PLEKHA7: variants seen among roughly 807,000 people sequenced by gnomAD.
PLEKHA7 encodes pleckstrin homology domain containing A7.
PLEKHA7 carries 104 observed loss-of-function variants against 170.0 expected under a neutral mutation model. The observed-to-expected ratio is 0.61, with a 90% CI of 0.52 to 0.72. PLEKHA7 has a LOEUF of 0.72. Among genes scored for constraint, PLEKHA7 ranks in the 30% least tolerant of loss-of-function variants. PLEKHA7 has a pLI of 0.00. For synonymous variants in PLEKHA7, 648 were observed against 660.8 expected (o/e 0.98, Z 0.30); for missense variants, 1,615 against 1,671.7 (o/e 0.97, Z 0.59).
intron 3 of PLEKHA7, among the ~76,000 whole-genome samples, chr11:16,889,628 T>C (rs920604802): frequency 6.6e-6 from 1 of 151,336 alleles, no homozygotes; most frequent in Non-Finnish European, 1.5e-5. Flanking sequence ...TAAAATGAAA[T>C]GAACAAAGCT....
intron 3 of PLEKHA7, among the ~76,000 whole-genome samples, chr11:16,985,874 T>C (rs1221053044): frequency 2.6e-5 from 4 of 152,212 alleles, no homozygotes; most frequent in African/African-American, 9.6e-5. Flanking sequence ...ACTGTCAGGC[T>C]CAGAAAAGCT....
intron 13 of PLEKHA7, among the ~76,000 whole-genome samples, chr11:16,807,950 C>G (rs1400591614): frequency 6.6e-6 from 1 of 152,212 alleles, no homozygotes; most frequent in East Asian, 1.9e-4. Context: ...AAGCACTGCC[C>G]TAAAACAGGG....
chr11:16,997,867 G>A (rs1018517053), intron 3 of PLEKHA7, among the ~76,000 whole-genome samples: 2 of 152,192 alleles, frequency 1.3e-5, no homozygotes, highest in Admixed American at 6.5e-5. Flanking sequence ...TGCGAAGCTC[G>A]AGTGTCTTCC....
chr11:16,817,090 A>T lies in PLEKHA7; in HGVS notation c.1576T>A (p.Trp526Arg). 1 of 1,613,588 alleles carries T rather than the reference A, an allele frequency of 6.2e-7. No homozygotes were observed. The highest frequency in any genetic ancestry group is 2.2e-5 in the East Asian group (1 of 44,852). The part of the protein sequence containing the change: ...RDGTVWQLYE[W>R]QQRQQFRHGS... ...TGCCGGAACTGCTGGCGCTGCTGCC[A>T]CTCGTAGAGCTGCCACACGGTGCCA... The change falls in exon 11 of 27, where the codon TGG becomes AGG. Residue 526 changes from tryptophan to arginine, a missense_variant. Physicochemically the swap from Trp to Arg is moderately radical, Grantham distance 101. Coordinates refer to ENST00000531066, the MANE Select transcript of PLEKHA7 (RefSeq NM_001329630.2). The surrounding 1 kb of genome is among the most constrained non-coding windows in gnomAD (Gnocchi z 4.4).
chr11:16,947,980 G>A (rs1226684128), intron 3 of PLEKHA7, among the ~76,000 whole-genome samples: 1 of 151,296 alleles, frequency 6.6e-6, no homozygotes, highest in Non-Finnish European at 1.5e-5. Flanking sequence ...TATACATAAT[G>A]GAACACTAGT....
chr11:16,965,908 G>A (rs576598011), intron 3 of PLEKHA7, among the ~76,000 whole-genome samples: 13 of 152,224 alleles, frequency 8.5e-5, no homozygotes, highest in African/African-American at 3.1e-4. Flanking sequence ...AAGGGCCAGG[G>A]GTGGTGGCTC....
intron 3 of PLEKHA7, among the ~76,000 whole-genome samples, chr11:16,887,787 C>T (rs183958847): frequency 0.016 from 2,397 of 152,314 alleles, 61 homozygotes; most frequent in African/African-American, 0.054. Context: ...CCCAAAGTGC[C>T]GAGATTCCAG....
chr11:16,811,079 A>G (rs1849339905), intron 13 of PLEKHA7, among the ~76,000 whole-genome samples: 1 of 152,218 alleles, frequency 6.6e-6, no homozygotes. Context: ...CTGCTGTGCC[A>G]TTCTGTGGCT....
intron 17 of PLEKHA7, among the ~76,000 whole-genome samples, chr11:16,796,767 C>T (rs1057507568): frequency 2.0e-5 from 3 of 152,136 alleles, no homozygotes; most frequent in Non-Finnish European, 2.9e-5. Flanking sequence ...GTGATCCTCT[C>T]GCCTTGGCCT....
chr11:16,794,424 G>A, intron 19 of PLEKHA7, 64 bp downstream of exon 19: 1 of 1,500,222 alleles, frequency 6.7e-7, no homozygotes, highest in Non-Finnish European at 9.3e-7. Flanking sequence ...TTCTCTCCCA[G>A]GAGAAGGTAA....
chr11:17,012,815 A>C lies in PLEKHA7; in HGVS notation c.221+1174T>G, dbSNP rs187959338. Reference sequence around the variant, plus strand: ...TGGCCCCAGCCAACTCCCCAACTTCACATACACACATATGAGGCAGGGCAA... The same window carrying C: ...TGGCCCCAGCCAACTCCCCAACTTCCCATACACACATATGAGGCAGGGCAA... On this transcript the variant is annotated intron_variant, in intron 3 of 26. Coordinates refer to ENST00000531066, the MANE Select transcript of PLEKHA7 (RefSeq NM_001329630.2). 2.7e-3 allele frequency among the ~76,000 whole-genome samples: 405 copies of C among 152,262 alleles called. 2 individuals carry two copies. Among genetic ancestry groups the C allele is most frequent in the Middle Eastern group, 0.01 (3 of 294 alleles).
intron 3 of PLEKHA7, among the ~76,000 whole-genome samples, chr11:16,959,923 A>T (rs995893359): frequency 6.6e-6 from 1 of 152,022 alleles, no homozygotes; most frequent in Non-Finnish European, 1.5e-5. Flanking sequence ...AGCCCAACTG[A>T]AGGAGCCCAG....
At chr11:16,966,552 G>A (rs774214332) in intron 3 of PLEKHA7, among the ~76,000 whole-genome samples, 2 of 152,046 alleles carry the variant, frequency 1.3e-5, no homozygotes, top group Non-Finnish European at 2.9e-5. Flanking sequence ...GGGTGCACAA[G>A]TAAAACTGGG....
At chr11:16,942,522 G>A (rs187393071) in intron 3 of PLEKHA7, among the ~76,000 whole-genome samples, 5 of 152,308 alleles carry the variant, frequency 3.3e-5, no homozygotes, top group East Asian at 1.9e-4. Flanking sequence ...TGTTGCTGAC[G>A]AGCTGACTCT....
Position 16,803,040 on chromosome 11 carries a change from T to C in PLEKHA7, c.2089A>G (p.Ile697Val). The C allele has an allele frequency of 1.2e-6, 2 of 1,614,176 alleles. No individual in the cohort carries two copies. The highest frequency in any genetic ancestry group is 1.7e-6 in the Non-Finnish European group (2 of 1,179,990). The part of the protein sequence containing the change: ...AESDTDVKLS[I>V]FCEQDRVLQD... ...AGGACCCTGTCTTGTTCACAGAAGA[T>C]GCTCAGTTTGACCTAAAAGCAAGAA... is the stretch of plus-strand genomic sequence containing the variant. The change falls in exon 15 of 27, where the codon ATC (isoleucine) becomes GTC (valine). Residue 697 changes from isoleucine to valine, a missense_variant. Physicochemically the swap from Ile to Val is conservative, Grantham distance 29 (BLOSUM62 3). Transcript: ENST00000531066.
intron 3 of PLEKHA7, among the ~76,000 whole-genome samples, chr11:16,928,554 G>A (rs761137336): frequency 6.6e-6 from 1 of 151,546 alleles, no homozygotes; most frequent in Non-Finnish European, 1.5e-5. Flanking sequence ...CAGAGCTCAA[G>A]TGGTTCTCCC....
At chr11:16,949,772 T>C (rs1861286629) in intron 3 of PLEKHA7, among the ~76,000 whole-genome samples, 1 of 152,046 alleles carries the variant, frequency 6.6e-6, no homozygotes, top group African/African-American at 2.4e-5. Context: ...CAAGGCACGA[T>C]ACAGAAAGTA....
At chr11:16,825,464 T>A (rs993947533) in intron 10 of PLEKHA7, among the ~76,000 whole-genome samples, 1 of 152,248 alleles carries the variant, frequency 6.6e-6, no homozygotes, top group Non-Finnish European at 1.5e-5. Context: ...ACGTCTTTCA[T>A]AATGAAGACA....
chr11:16,791,631 C>A lies in PLEKHA7; in HGVS notation c.2746-432G>T, dbSNP rs150048898. On this transcript the variant is annotated intron_variant, in intron 19 of 26. Transcript: ENST00000531066. This position sits in a 1 kb window ranked among gnomAD's most constrained non-coding sequence, Gnocchi z 4.5. ...CCACTCAGCAGTGCTCAGCCTGAGCCGGCTCATTGGCCCTACACGAGCTCT... is the reference window on the plus strand; with the variant it reads ...CCACTCAGCAGTGCTCAGCCTGAGCAGGCTCATTGGCCCTACACGAGCTCT... 1 of 461,122 alleles carries A rather than the reference C, an allele frequency of 2.2e-6. No individual in the cohort carries two copies. Among genetic ancestry groups the A allele is most frequent in the Non-Finnish European group, 4.3e-6 (1 of 230,216 alleles). 28.6% of individuals were successfully genotyped at this position (461,122 alleles called of 1,614,324 possible). A position where few individuals can be genotyped will look rare whatever the true frequency, so the allele number is the denominator to read the frequency against.
Sources: allele counts gnomAD v4.1 joint callset (sites outside exome capture counted in the v4.1 genomes callset), GRCh38; gene constraint gnomAD v4.1.1; non-coding constraint Gnocchi (gnomAD v3.1); transcripts MANE v1.5; gene names NCBI Gene and HGNC (gene_info 2026-07-23, HGNC 2026-07-21).